SP3: variants seen among roughly 807,000 people sequenced by gnomAD.
SP3 encodes the protein Sp3 transcription factor, also known as transcription factor Sp3.
In SP3, 10 loss-of-function variants were observed where a neutral mutation model predicts 70.3. The ratio of observed to expected loss-of-function variants is 0.14; its 90% CI spans 0.09 to 0.24. SP3 has a LOEUF of 0.24. Ranked by LOEUF, SP3 falls within the 10% of genes least tolerant of loss-of-function variation. SP3 has a pLI of 1.00. For missense variants in SP3, 825 were observed against 914.6 expected (o/e 0.90, Z 1.26); for synonymous variants, 402 against 333.5 (o/e 1.21, Z -2.24).
chr2:173,965,249 A>G lies in SP3; in HGVS notation c.-78T>C. On this transcript the variant is annotated 5_prime_UTR_variant, in exon 1 of 7. Coordinates refer to ENST00000310015, the MANE Select transcript of SP3 (RefSeq NM_003111.5). ...GGAGCGAAGGCGGCGGCGGCGGGAG[A>G]GGATGCGGGAAGCGGCGGCGGACAC... is the stretch of plus-strand genomic sequence containing the variant. 6.7e-7 allele frequency: 1 copy of G among 1,502,040 alleles called. No individual in the cohort carries two copies. Among genetic ancestry groups the G allele is most frequent in the Non-Finnish European group, 9.0e-7 (1 of 1,108,638 alleles). The allele number at this position is 1,502,040 out of a possible 1,614,324, so 93.0% of individuals were successfully genotyped here. A position where few individuals can be genotyped will look rare whatever the true frequency, so the allele number is the denominator to read the frequency against.
rs1559087699 is a variant in SP3, at chr2:173,909,348, T to C, written c.*593A>G. ...AAAGGTGACTATCCCTAGAGTTCCATGTTAAAATGTAGTTTTCAAAATCTT... is the reference window on the plus strand; with the variant it reads ...AAAGGTGACTATCCCTAGAGTTCCACGTTAAAATGTAGTTTTCAAAATCTT... On this transcript the variant is annotated 3_prime_UTR_variant, in exon 7 of 7. Coordinates refer to ENST00000310015, the MANE Select transcript of SP3 (RefSeq NM_003111.5). 1 of 152,516 alleles carries C rather than the reference T, an allele frequency of 6.6e-6. No individual in the cohort carries two copies. The highest frequency in any genetic ancestry group is 1.5e-5 in the Non-Finnish European group (1 of 67,976). The allele number at this position is 152,516 out of a possible 1,614,324, so 9.4% of individuals were successfully genotyped here.
At chr2:173,949,772 ATTAAG>A (rs1641133479) in intron 4 of SP3, among the ~76,000 whole-genome samples, 1 of 152,220 alleles carries the variant, frequency 6.6e-6, no homozygotes, top group African/African-American at 2.4e-5. Flanking sequence ...AATTCTAAAC[ATTAAG>A]TTGTTTGCTT....
At chr2:173,925,733 A>T (rs1362413710) in intron 4 of SP3, among the ~76,000 whole-genome samples, 1 of 152,206 alleles carries the variant, frequency 6.6e-6, no homozygotes. Context: ...ATTGTAACAC[A>T]CAATACTCTT....
chr2:173,916,267 T>C (rs1297911035), intron 5 of SP3: 2 of 152,058 alleles, frequency 1.3e-5, no homozygotes, highest in Non-Finnish European at 2.9e-5. Flanking sequence ...TAAATGAACA[T>C]TTTTATAATT....
rs1689277927 is a variant in SP3, at chr2:173,905,068, C to G, written c.*4873G>C. On this transcript the variant is annotated 3_prime_UTR_variant, in exon 7 of 7. Coordinates refer to ENST00000310015, the MANE Select transcript of SP3 (RefSeq NM_003111.5). Reference sequence around the variant, plus strand: ...GGTGCTTCAGTCTTTTCTTCTTATTCCATCCTTTTCTGATAGGGCAGTCAC... The same window carrying G: ...GGTGCTTCAGTCTTTTCTTCTTATTGCATCCTTTTCTGATAGGGCAGTCAC... Among the ~76,000 whole-genome samples, 1 of 152,172 alleles carries G rather than the reference C, an allele frequency of 6.6e-6. No homozygotes were observed. The highest frequency in any genetic ancestry group is 1.5e-5 in the Non-Finnish European group (1 of 68,020).
rs759399900 is a variant in SP3 at position 173,910,305 on chromosome 2, A to T, written c.2030-48T>A. On this transcript the variant is annotated intron_variant, in intron 6 of 6. Transcript: ENST00000310015. ...ACTTGGTTTTAAAAATTCAACTTTAATAGCTCAATCATCTCCCCCAAAACA... is the reference window on the plus strand; with the variant it reads ...ACTTGGTTTTAAAAATTCAACTTTATTAGCTCAATCATCTCCCCCAAAACA... 2.6e-6 allele frequency: 4 copies of T among 1,530,564 alleles called. No homozygotes were observed. The African/African-American group carries it at 5.5e-5, about 21-fold the overall frequency. 94.8% of individuals were successfully genotyped at this position (1,530,564 alleles called of 1,614,324 possible).
rs762113994 is a variant in SP3 at position 173,954,879 on chromosome 2, G to A, written c.1633C>T (p.Pro545Ser). The A allele has an allele frequency of 6.2e-7, 1 of 1,610,972 alleles. No homozygotes were observed. The change falls in exon 4 of 7, where the codon CCT becomes TCT. Residue 545 changes from proline (P) to serine (S), a missense_variant. This residue lies in a region of SP3 where 678 missense variants were observed against 651.6 expected (regional missense o/e 1.04). Coordinates refer to ENST00000310015, the MANE Select transcript of SP3 (RefSeq NM_003111.5). ...GACATAACTTAAGACTCACCTGCAG[G>A]ACTGTCAGCATTCTCTCCTGGATGT... ...QLHPGENADS[P>S]ADIRIKEEEP...
At chr2:173,952,036 A>C (rs925139171) in intron 4 of SP3, among the ~76,000 whole-genome samples, 1 of 152,142 alleles carries the variant, frequency 6.6e-6, no homozygotes, top group African/African-American at 2.4e-5. Flanking sequence ...TGGAAAGCAC[A>C]AATTTTGTCA....
intron 4 of SP3, among the ~76,000 whole-genome samples, chr2:173,921,749 T>G (rs1039021017): frequency 6.6e-6 from 1 of 152,148 alleles, no homozygotes; most frequent in African/African-American, 2.4e-5. Context: ...AAATCTTATG[T>G]TGAAATGCAA....
At chr2:173,932,553 A>G (rs1690095802) in intron 4 of SP3, among the ~76,000 whole-genome samples, 2 of 152,184 alleles carry the variant, frequency 1.3e-5, no homozygotes, top group Admixed American at 1.3e-4. Flanking sequence ...AAAGATGAGG[A>G]AACGGCTGGT....
rs901590368 is a variant in SP3 at position 173,909,291 on chromosome 2, A to G, written c.*650T>C. On this transcript the variant is annotated 3_prime_UTR_variant, in exon 7 of 7. Transcript: ENST00000310015. ...TAACAAGACATTATTTTGGCAAATT[A>G]AATCTTAAACATGGCTTTTCAACAG... 3.3e-5 allele frequency: 5 copies of G among 152,502 alleles called. No homozygotes were observed. Among genetic ancestry groups the G allele is most frequent in the African/African-American group, 1.2e-4 (5 of 41,456 alleles). The allele number at this position is 152,502 out of a possible 1,614,324, so 9.4% of individuals were successfully genotyped here. A position where few individuals can be genotyped will look rare whatever the true frequency, so the allele number is the denominator to read the frequency against.
chr2:173,905,329 A>ATGCT lies in SP3; in HGVS notation c.*4608_*4611dup. Among the ~76,000 whole-genome samples the ATGCT allele has an allele frequency of 6.6e-6, 1 of 152,318 alleles. No homozygotes were observed. The highest frequency in any genetic ancestry group is 1.5e-5 in the Non-Finnish European group (1 of 68,024). Reference sequence around the variant, plus strand: ...ACCGTTAAGTCAGGCACTATGCTGAATGCTTATATTTTAATACAACAATCC... The same window carrying ATGCT: ...ACCGTTAAGTCAGGCACTATGCTGAATGCTTGCTTATATTTTAATACAACAATCC... On this transcript the variant is annotated 3_prime_UTR_variant, in exon 7 of 7. Coordinates refer to ENST00000310015, the MANE Select transcript of SP3 (RefSeq NM_003111.5).
intron 4 of SP3, among the ~76,000 whole-genome samples, chr2:173,943,378 T>C (rs1467353077): frequency 1.3e-5 from 2 of 152,206 alleles, no homozygotes; most frequent in African/African-American, 4.8e-5. Flanking sequence ...GGCTCCTTTA[T>C]CAATGTTCAG....
chr2:173,904,165 A>G lies in SP3; in HGVS notation c.*5776T>C, dbSNP rs563110348. On this transcript the variant is annotated 3_prime_UTR_variant, in exon 7 of 7. Coordinates refer to ENST00000310015, the MANE Select transcript of SP3 (RefSeq NM_003111.5). Reference sequence around the variant, plus strand: ...GCTCATCTGACAGGAGGCAGAGCTCAGGCAGGAATGCTCGCTTACCTCCTG... The same window carrying G: ...GCTCATCTGACAGGAGGCAGAGCTCGGGCAGGAATGCTCGCTTACCTCCTG... Among the ~76,000 whole-genome samples the G allele has an allele frequency of 6.6e-5, 10 of 152,276 alleles. No homozygotes were observed. Among genetic ancestry groups the G allele is most frequent in the Admixed American group, 5.2e-4 (8 of 15,300 alleles).
At chr2:173,954,396 G>A (rs1035549454) in intron 4 of SP3, among the ~76,000 whole-genome samples, 3 of 152,122 alleles carry the variant, frequency 2.0e-5, no homozygotes, top group Admixed American at 6.5e-5. Flanking sequence ...CAAGGAAACT[G>A]AGTTTGCGAA....
chr2:173,928,874 A>G (rs1306636100), intron 4 of SP3, among the ~76,000 whole-genome samples: 2 of 152,250 alleles, frequency 1.3e-5, no homozygotes, highest in African/African-American at 4.8e-5. Flanking sequence ...ACATTTATTG[A>G]ACAACTATAT....
chr2:173,953,959 G>A (rs566826092), intron 4 of SP3, among the ~76,000 whole-genome samples: 33 of 152,140 alleles, frequency 2.2e-4, no homozygotes, highest in African/African-American at 7.5e-4. Flanking sequence ...TTTATCAAAA[G>A]AAAAAAGGTA....
chr2:173,948,249 G>A (rs183871529), intron 4 of SP3, among the ~76,000 whole-genome samples: 2 of 152,250 alleles, frequency 1.3e-5, no homozygotes, highest in Admixed American at 6.5e-5. Context: ...ACAATGGTTT[G>A]TTACCCATAG....
chr2:173,960,856 G>A (rs1368100879), intron 3 of SP3, among the ~76,000 whole-genome samples: 3 of 151,852 alleles, frequency 2.0e-5, no homozygotes, highest in African/African-American at 2.4e-5. Flanking sequence ...CACGCCTGTC[G>A]TCCCAGTTAC....
Sources: gnomAD v4.1 joint callset for allele counts (sites outside exome capture counted in the v4.1 genomes callset) on GRCh38, gnomAD v4.1.1 for gene constraint, gnomAD v4.1.1 regional missense constraint, MANE v1.5 for transcripts, NCBI Gene and HGNC (gene_info 2026-07-23, HGNC 2026-07-21) for gene names.